Variants in DPH6 observed in about 807,000 individuals in gnomAD.
DPH6 encodes diphthine--ammonia ligase.
Under a neutral mutation model 38.2 loss-of-function variants are expected in DPH6, and 33 were observed. That is an observed-to-expected ratio of 0.86 (90% CI 0.65 to 1.15). The LOEUF is 1.15. DPH6 is among the 50% of genes most tolerant of loss of function. DPH6 has a pLI of 0.00. For synonymous variants in DPH6, 108 were observed against 103.0 expected (o/e 1.05, Z -0.30); for missense variants, 325 against 320.0 (o/e 1.02, Z -0.12).
Position 35,372,211 on chromosome 15 carries a change from A to C in DPH6, c.751-8T>G. On this transcript the variant is annotated splice_polypyrimidine_tract_variant and splice_region_variant and intron_variant, in intron 8 of 8. Coordinates refer to ENST00000256538, the MANE Select transcript of DPH6 (RefSeq NM_080650.4). Reference sequence around the variant, plus strand: ...GTCAGGCACTGAGGACACCTAAAAAAAAAAGGGAAGGAAAGGGAAGGAAAA... The same window carrying C: ...GTCAGGCACTGAGGACACCTAAAAACAAAAGGGAAGGAAAGGGAAGGAAAA... 6.7e-7 allele frequency: 1 copy of C among 1,499,610 alleles called. No individual in the cohort carries two copies. The highest frequency in any genetic ancestry group is 8.8e-7 in the Non-Finnish European group (1 of 1,130,358). 92.9% of individuals were successfully genotyped at this position (1,499,610 alleles called of 1,614,324 possible).
intron 3 of DPH6, among the ~76,000 whole-genome samples, chr15:35,301,027 G>A (rs959060868): frequency 6.6e-6 from 1 of 152,100 alleles, no homozygotes; most frequent in South Asian, 2.1e-4. Context: ...TTCTTGATCT[G>A]AGCAACAAGA....
At chr15:35,534,875 A>C (rs2055145102) in intron 3 of DPH6, among the ~76,000 whole-genome samples, 1 of 152,222 alleles carries the variant, frequency 6.6e-6, no homozygotes, top group Non-Finnish European at 1.5e-5. Flanking sequence ...TGGCAGTTTT[A>C]GGTCTCACAT....
At chr15:35,200,864 A>C in the DPH6 span, among the ~76,000 whole-genome samples, 40 of 151,838 alleles carry the variant, frequency 2.6e-4, no homozygotes, top group South Asian at 2.9e-3. Context: ...TTAAGGACCA[A>C]AGAGAATAAC....
intron 3 of DPH6, among the ~76,000 whole-genome samples, chr15:35,341,062 T>C (rs2140877716): frequency 6.6e-6 from 1 of 152,284 alleles, no homozygotes; most frequent in Non-Finnish European, 1.5e-5. Flanking sequence ...CTTGGAGGTT[T>C]TGTTCATTCC....
chr15:35,417,197 C>T (rs1595545271), intron 5 of DPH6, among the ~76,000 whole-genome samples: 1 of 152,006 alleles, frequency 6.6e-6, no homozygotes, highest in East Asian at 1.9e-4. Context: ...ATGTACAGCG[C>T]TTATAATATT....
intron 3 of DPH6, among the ~76,000 whole-genome samples, chr15:35,363,827 CAT>C (rs1460325123): frequency 2.0e-5 from 3 of 151,774 alleles, no homozygotes; most frequent in Admixed American, 6.6e-5. Context: ...GAATTTATGA[CAT>C]GTTATCTACA....
In DPH6 at chr15:35,271,124, T is replaced by C. The variant is rs141408136; in HGVS notation, n.201-50542A>G. Among the ~76,000 whole-genome samples the C allele has an allele frequency of 1.6e-3, 244 of 152,334 alleles. 1 individual carries two copies. The highest frequency in any genetic ancestry group is 5.7e-3 in the African/African-American group (235 of 41,574). On this transcript the variant is annotated intron_variant and non_coding_transcript_variant, in intron 3 of 3. Coordinates refer to the DPH6 transcript ENST00000560386. The stretch of plus-strand genomic sequence containing the variant: ...ACATAAGGCTTCCCTACAAAAGGAT[T>C]AGTTCAGCCAAACTTCTTTCACAGT...
intron 5 of DPH6, among the ~76,000 whole-genome samples, chr15:35,428,123 C>T (rs565498648): frequency 6.6e-6 from 1 of 152,006 alleles, no homozygotes; most frequent in East Asian, 1.9e-4. Flanking sequence ...ATCACTGTGT[C>T]TGTGTAAGCA....
the DPH6 span, among the ~76,000 whole-genome samples, chr15:35,164,531 T>C: frequency 3.3e-5 from 5 of 151,888 alleles, no homozygotes; most frequent in East Asian, 9.6e-4. Context: ...TCAGCAACTG[T>C]TTATTTTTTA....
At chr15:35,348,028 T>G (rs1197080262) in intron 3 of DPH6, among the ~76,000 whole-genome samples, 7 of 152,206 alleles carry the variant, frequency 4.6e-5, no homozygotes, top group Non-Finnish European at 8.8e-5. Context: ...ATAGAAATTC[T>G]TGATATATTC....
chr15:35,387,667 G>A (rs2052987497), intron 6 of DPH6, among the ~76,000 whole-genome samples: 1 of 152,130 alleles, frequency 6.6e-6, no homozygotes, highest in African/African-American at 2.4e-5. Flanking sequence ...GTATAAGAAT[G>A]CTTGTGACTT....
At chr15:35,486,807 T>C (rs2054405898) in intron 3 of DPH6, among the ~76,000 whole-genome samples, 1 of 152,008 alleles carries the variant, frequency 6.6e-6, no homozygotes, top group South Asian at 2.1e-4. Flanking sequence ...AAAGTCCAAG[T>C]CCAAAGTCTC....
downstream of DPH6, among the ~76,000 whole-genome samples, chr15:35,329,014 G>T (rs374033050): frequency 6.6e-6 from 1 of 152,116 alleles, no homozygotes; most frequent in Non-Finnish European, 1.5e-5. Context: ...AACAGTACGC[G>T]GGAAACTGCC....
chr15:35,439,335 A>C (rs912625881), intron 5 of DPH6, among the ~76,000 whole-genome samples: 2 of 152,232 alleles, frequency 1.3e-5, no homozygotes, highest in African/African-American at 4.8e-5. Flanking sequence ...TATAGCCTTT[A>C]ATAGAGTGGG....
chr15:35,459,489 TG>T (rs1432771999), intron 3 of DPH6, among the ~76,000 whole-genome samples: 2 of 152,150 alleles, frequency 1.3e-5, no homozygotes, highest in African/African-American at 2.4e-5. Flanking sequence ...GAATTTGGGT[TG>T]GGGGGCATAA....
chr15:35,291,015 A>G (rs1029269297), intron 3 of DPH6, among the ~76,000 whole-genome samples: 2 of 152,104 alleles, frequency 1.3e-5, no homozygotes, highest in African/African-American at 2.4e-5. Context: ...ACCATTAGCC[A>G]AAAACTAACC....
At chr15:35,213,971 A>G (rs567181741), downstream of DPH6, among the ~76,000 whole-genome samples, 103 of 152,148 alleles carry the variant, frequency 6.8e-4, no homozygotes, top group Middle Eastern at 3.4e-3. Flanking sequence ...AATTAGCCAG[A>G]CGTGGTGGCG....
intron 3 of DPH6, among the ~76,000 whole-genome samples, chr15:35,491,866 G>A (rs2054486897): frequency 6.6e-6 from 1 of 150,660 alleles, no homozygotes; most frequent in Middle Eastern, 3.6e-3. Flanking sequence ...ATGTATATGT[G>A]TGTGTATATA....
At chr15:35,218,086 TCCACAGATGCAGAAC>T (rs2051420697) in exon 4 of DPH6, 1 of 152,162 alleles carries the variant, frequency 6.6e-6, no homozygotes, top group Non-Finnish European at 1.5e-5. Context: ...CTCGGTTGAA[TCCACAGATGCAGAAC>T]CCACAGATAC....
Sources: allele counts gnomAD v4.1 joint callset (sites outside exome capture counted in the v4.1 genomes callset), GRCh38; gene constraint gnomAD v4.1.1; transcripts MANE v1.5; gene names NCBI Gene and HGNC (gene_info 2026-07-23, HGNC 2026-07-21).